TTLL5: variants seen among roughly 807,000 people sequenced by gnomAD.
TTLL5 encodes tubulin polyglutamylase TTLL5.
TTLL5 carries 132 observed loss-of-function variants against 168.4 expected under a neutral mutation model. That is an observed-to-expected ratio of 0.78 (90% CI 0.68 to 0.91). The LOEUF is 0.91. Ranked by LOEUF, TTLL5 falls within the 40% of genes least tolerant of loss-of-function variation. The probability of loss-of-function intolerance (pLI) is 0.00; values close to 1 mark genes in which losing one functional copy is unlikely to be tolerated. For synonymous variants in TTLL5, 546 were observed against 558.6 expected, an observed-to-expected ratio of 0.98 and a Z score of 0.32; for missense variants, 1,545 against 1,581.5, an observed-to-expected ratio of 0.98 and a Z score of 0.39.
intron 31 of TTLL5, among the ~76,000 whole-genome samples, chr14:75,907,978 T>G (rs902796602): frequency 1.3e-5 from 2 of 152,242 alleles, no homozygotes; most frequent in African/African-American, 4.8e-5. Context: ...TAATATCACT[T>G]TCCTTGAACC....
chr14:75,712,952 A>C (rs1421806870), intron 9 of TTLL5, among the ~76,000 whole-genome samples: 2 of 152,216 alleles, frequency 1.3e-5, no homozygotes, highest in Non-Finnish European at 2.9e-5. Context: ...AATAGGCTGC[A>C]AAATAGTACC....
At chr14:75,689,103 C>T (rs1885271351) in intron 5 of TTLL5, among the ~76,000 whole-genome samples, 1 of 152,162 alleles carries the variant, frequency 6.6e-6, no homozygotes. Context: ...TTTCTTGGAT[C>T]ACTTGATCTG....
At chr14:75,722,112 A>G (rs912229449) in intron 12 of TTLL5, among the ~76,000 whole-genome samples, 1 of 152,074 alleles carries the variant, frequency 6.6e-6, no homozygotes, top group African/African-American at 2.4e-5. Flanking sequence ...ACTATAGTAT[A>G]CTTCTAAGCA....
In TTLL5 at chr14:75,783,266, C is replaced by T; in HGVS notation, c.2722C>T (p.Leu908Phe). 2 of 1,614,148 alleles carry T rather than the reference C, an allele frequency of 1.2e-6. No homozygotes were observed. The highest frequency in any genetic ancestry group is 1.7e-6 in the Non-Finnish European group (2 of 1,180,022). ...TTTGTCATCTGTTACAACCTCTGAC[C>T]TCTCTCCAGGGCCTTGCCACCATTC... ...THLSSVTTSD[L>F]SPGPCHHSSL... Residue 908 changes from leucine (L) to phenylalanine (F), a missense_variant, in exon 26 of 32, where the codon CTC (leucine) becomes TTC (phenylalanine). Physicochemically the swap from Leu to Phe is conservative, Grantham distance 22 (BLOSUM62 0). Coordinates refer to ENST00000298832, the MANE Select transcript of TTLL5 (RefSeq NM_015072.5).
chr14:75,732,922 T>C (rs1888634242), intron 13 of TTLL5, among the ~76,000 whole-genome samples: 2 of 152,200 alleles, frequency 1.3e-5, no homozygotes, highest in South Asian at 2.1e-4. Flanking sequence ...TTTACTAACC[T>C]ATTGTTTAGA....
chr14:75,744,114 TAGAG>T (rs1015184318), intron 15 of TTLL5, among the ~76,000 whole-genome samples: 3 of 152,110 alleles, frequency 2.0e-5, no homozygotes, highest in Non-Finnish European at 2.9e-5. Flanking sequence ...ATTCTACAAA[TAGAG>T]AGAGAGAAAT....
At chr14:75,911,671 A>C (rs931040672) in intron 31 of TTLL5, among the ~76,000 whole-genome samples, 2 of 152,200 alleles carry the variant, frequency 1.3e-5, no homozygotes, top group African/African-American at 4.8e-5. Context: ...ATATTTTGGA[A>C]TTTGACAGGA....
chr14:75,856,111 C>G (rs1252493112), intron 28 of TTLL5, among the ~76,000 whole-genome samples: 2 of 152,200 alleles, frequency 1.3e-5, no homozygotes, highest in East Asian at 3.8e-4. Context: ...GCCTGTAATC[C>G]CAGCACTTTG....
At chr14:75,923,040 G>T (rs2033884531) in intron 31 of TTLL5, among the ~76,000 whole-genome samples, 1 of 152,166 alleles carries the variant, frequency 6.6e-6, no homozygotes, top group Non-Finnish European at 1.5e-5. Flanking sequence ...ATTTCTGTGG[G>T]ATCAGTGGTG....
intron 3 of TTLL5, among the ~76,000 whole-genome samples, chr14:75,677,889 C>A (rs1884304328): frequency 6.6e-6 from 1 of 151,964 alleles, no homozygotes; most frequent in Non-Finnish European, 1.5e-5. Flanking sequence ...GCTCCAGCCT[C>A]CCATCGTACT....
intron 3 of TTLL5, among the ~76,000 whole-genome samples, chr14:75,677,240 G>T (rs560969759): frequency 2.2e-4 from 34 of 152,140 alleles, no homozygotes; most frequent in Admixed American, 4.6e-4. Context: ...ACTCTATGCA[G>T]TAACTACTGT....
intron 29 of TTLL5, among the ~76,000 whole-genome samples, chr14:75,872,707 C>G (rs372622837): frequency 1.3e-5 from 2 of 151,832 alleles, no homozygotes; most frequent in Non-Finnish European, 2.9e-5. Context: ...ATTGGGAGTT[C>G]GAGACCAGCC....
At chr14:75,876,397 T>C (rs771019340) in intron 29 of TTLL5, among the ~76,000 whole-genome samples, 23 of 152,200 alleles carry the variant, frequency 1.5e-4, no homozygotes, top group Non-Finnish European at 2.8e-4. Context: ...GTTTCGAAAT[T>C]TTTCTGTCCA....
At chr14:75,869,579 C>T (rs142747470) in intron 29 of TTLL5, among the ~76,000 whole-genome samples, 1,878 of 152,156 alleles carry the variant, frequency 0.012, 15 homozygotes, top group South Asian at 0.025. Context: ...TTTACAGCTG[C>T]CCTCTTATTA....
chr14:75,873,018 A>G (rs1328760590), intron 29 of TTLL5, among the ~76,000 whole-genome samples: 3 of 150,856 alleles, frequency 2.0e-5, no homozygotes, highest in Admixed American at 2.0e-4. Flanking sequence ...AACAATTTTT[A>G]TGTATACAGC....
chr14:75,826,376 C>A (rs946569611), intron 28 of TTLL5, among the ~76,000 whole-genome samples: 1 of 150,950 alleles, frequency 6.6e-6, no homozygotes, highest in Admixed American at 6.6e-5. Flanking sequence ...TACTTACACT[C>A]CTGAACTGTA....
intron 3 of TTLL5, among the ~76,000 whole-genome samples, chr14:75,672,838 C>G (rs1883851395): frequency 6.6e-6 from 1 of 152,188 alleles, no homozygotes; most frequent in South Asian, 2.1e-4. Context: ...TCTGTAAGGT[C>G]TGTAATAATG....
intron 28 of TTLL5, among the ~76,000 whole-genome samples, chr14:75,857,149 T>C (rs1897172021): frequency 6.6e-6 from 1 of 152,230 alleles, no homozygotes; most frequent in South Asian, 2.1e-4. Context: ...CATCCTTTAC[T>C]GCTGTTGAAT....
At chr14:75,689,587 C>T (rs975892386) in intron 5 of TTLL5, 2 of 152,186 alleles carry the variant, frequency 1.3e-5, no homozygotes, top group African/African-American at 4.8e-5. Context: ...ATTAAACAAT[C>T]CAAATGCCTT....
Sources: allele counts gnomAD v4.1 joint callset (sites outside exome capture counted in the v4.1 genomes callset), GRCh38; gene constraint gnomAD v4.1.1; transcripts MANE v1.5; gene names NCBI Gene and HGNC (gene_info 2026-07-23, HGNC 2026-07-21).